Variants in MAGI1 observed in about 807,000 individuals in gnomAD.
MAGI1 encodes membrane associated guanylate kinase, WW and PDZ domain containing 1.
In MAGI1, 58 loss-of-function variants were observed where a neutral mutation model predicts 139.9. The observed-to-expected ratio is 0.41, with a 90% CI of 0.34 to 0.52. The LOEUF is 0.52. MAGI1 is among the 20% of genes least tolerant of loss of function. The pLI is 0.12. For missense variants in MAGI1, 1,874 were observed against 1,901.6 expected, an observed-to-expected ratio of 0.99 and a Z score of 0.27; for synonymous variants, 812 against 737.9, an observed-to-expected ratio of 1.10 and a Z score of -1.63.
chr3:65,872,260 G>A (rs2059964222), intron 1 of MAGI1, among the ~76,000 whole-genome samples: 1 of 152,176 alleles, frequency 6.6e-6, no homozygotes, highest in Non-Finnish European at 1.5e-5. Context: ...TGTTAGAGTT[G>A]ACTTAAGTTT....
intron 1 of MAGI1, among the ~76,000 whole-genome samples, chr3:65,911,292 G>C (rs530271308): frequency 6.6e-6 from 1 of 151,908 alleles, no homozygotes; most frequent in Admixed American, 6.6e-5. Context: ...ACATTTGAAC[G>C]TTTGTCCATG....
At chr3:65,928,771 C>T (rs1052346482) in intron 1 of MAGI1, among the ~76,000 whole-genome samples, 1 of 152,012 alleles carries the variant, frequency 6.6e-6, no homozygotes, top group Non-Finnish European at 1.5e-5. Context: ...AAAAATGCAA[C>T]CACAATGAGA....
At chr3:65,720,038 T>C (rs1053386038) in intron 1 of MAGI1, 4 of 152,190 alleles carry the variant, frequency 2.6e-5, no homozygotes, top group African/African-American at 4.8e-5. Flanking sequence ...ATTTCTTGTG[T>C]TTTAAATGGA....
intron 1 of MAGI1, among the ~76,000 whole-genome samples, chr3:65,960,532 G>A (rs1475295933): frequency 2.6e-5 from 4 of 152,152 alleles, no homozygotes; most frequent in African/African-American, 9.7e-5. Context: ...GGATGTCACT[G>A]GTCCCTGTGG....
At chr3:66,027,344 C>T (rs1054602734) in intron 1 of MAGI1, among the ~76,000 whole-genome samples, 1 of 151,948 alleles carries the variant, frequency 6.6e-6, no homozygotes, top group Non-Finnish European at 1.5e-5. Context: ...TTCTCTGTCA[C>T]CCAGGGTGGA....
At chr3:65,900,481 A>T (rs2061177581) in intron 1 of MAGI1, among the ~76,000 whole-genome samples, 1 of 152,200 alleles carries the variant, frequency 6.6e-6, no homozygotes, top group South Asian at 2.1e-4. Context: ...GCACTCAATA[A>T]ATGTTCACTT....
chr3:65,401,372 TCCCACC>T, intron 13 of MAGI1, 61 bp downstream of exon 13: 1 of 778,308 alleles, frequency 1.3e-6, no homozygotes, highest in Non-Finnish European at 2.1e-6. Context: ...CAGAGTACCC[TCCCACC>T]TCCAGCCCCC....
intron 1 of MAGI1, among the ~76,000 whole-genome samples, chr3:65,690,771 G>GACTCCCAATGT (rs1559790310): frequency 6.6e-6 from 1 of 150,822 alleles, no homozygotes; most frequent in Non-Finnish European, 1.5e-5. Context: ...TGGGATTACA[G>GACTCCCAATGT]GCATGAGCCA....
At chr3:65,440,412 A>T (rs1435269149) in intron 8 of MAGI1, among the ~76,000 whole-genome samples, 1 of 152,120 alleles carries the variant, frequency 6.6e-6, no homozygotes, top group Non-Finnish European at 1.5e-5. Context: ...GATTTTAACC[A>T]CTGACCCCAC....
Position 66,014,518 on chromosome 3 carries a change from A to G in MAGI1, c.313+23478T>C, listed in dbSNP as rs138490232. Among the ~76,000 whole-genome samples, 890 of 152,354 alleles carry G rather than the reference A, an allele frequency of 5.8e-3. 9 individuals carry two copies. Among genetic ancestry groups the G allele is most frequent in the African/African-American group, 0.019 (808 of 41,580 alleles). On this transcript the variant is annotated intron_variant, in intron 1 of 22. Transcript: ENST00000402939. ...ACCATATAATTTTTCAACCACCCAC[A>G]ACACATATAAGCCAACTTGAAATTT...
intron 15 of MAGI1, among the ~76,000 whole-genome samples, chr3:65,382,597 C>T (rs776754281): frequency 1.3e-5 from 2 of 152,202 alleles, no homozygotes; most frequent in Non-Finnish European, 2.9e-5. Context: ...GTTATATTTG[C>T]CATTCACTAA....
intron 6 of MAGI1, 86 bp downstream of exon 6, chr3:65,453,172 G>T: frequency 8.6e-7 from 1 of 1,168,912 alleles, no homozygotes; most frequent in South Asian, 1.2e-5. Flanking sequence ...CATAAGACCC[G>T]ACTGACCTGG....
intron 2 of MAGI1, among the ~76,000 whole-genome samples, chr3:65,552,437 A>C (rs929605221): frequency 1.3e-5 from 2 of 152,230 alleles, no homozygotes; most frequent in Admixed American, 6.5e-5. Context: ...CGTTTAATAC[A>C]GGGGTAAAAG....
chr3:65,494,588 C>T (rs1346898252), intron 2 of MAGI1, among the ~76,000 whole-genome samples: 1 of 152,186 alleles, frequency 6.6e-6, no homozygotes, highest in Non-Finnish European at 1.5e-5. Context: ...TTCAACAGAG[C>T]TCATTTAGCA....
At position 65,984,751 on chromosome 3, in the gene MAGI1, T is replaced by C. The variant is rs143684418; in HGVS notation, c.313+53245A>G. On this transcript the variant is annotated intron_variant, in intron 1 of 22. Transcript: ENST00000402939. Reference sequence around the variant, plus strand: ...TTTTAGAGATAGGAGTCTCACTATGTTGCCCAGGGTGGTCTTGAACTTCTG... The same window carrying C: ...TTTTAGAGATAGGAGTCTCACTATGCTGCCCAGGGTGGTCTTGAACTTCTG... Among the ~76,000 whole-genome samples, 360 of 147,266 alleles carry C rather than the reference T, an allele frequency of 2.4e-3. 3 individuals carry two copies. The highest frequency in any genetic ancestry group is 8.2e-3 in the African/African-American group (330 of 40,460).
intron 10 of MAGI1, 104 bp from the exon 11 acceptor site, chr3:65,430,985 A>G: frequency 9.1e-7 from 1 of 1,096,216 alleles, no homozygotes; most frequent in Non-Finnish European, 1.3e-6. Flanking sequence ...CTTATGCCCT[A>G]GAGCCTTTGG....
In MAGI1 at chr3:65,439,860, C is replaced by A; in HGVS notation, c.1270+19G>T. ...CATGCTCCCCTGATCAAGAAAAAGC[C>A]TAGAGGAAAGAGGCCAACCTTCTGT... is the stretch of plus-strand genomic sequence containing the variant. On this transcript the variant is annotated intron_variant, in intron 9 of 22. Coordinates refer to ENST00000402939, the MANE Select transcript of MAGI1 (RefSeq NM_001033057.2). 1.2e-6 allele frequency: 2 copies of A among 1,609,270 alleles called. No homozygotes were observed.
At chr3:65,888,222 T>C (rs1449493524) in intron 1 of MAGI1, among the ~76,000 whole-genome samples, 1 of 152,190 alleles carries the variant, frequency 6.6e-6, no homozygotes, top group African/African-American at 2.4e-5. Flanking sequence ...TTTTTCCTAA[T>C]GGTGACAGGA....
chr3:65,905,803 T>G (rs2061412334), intron 1 of MAGI1, among the ~76,000 whole-genome samples: 1 of 152,220 alleles, frequency 6.6e-6, no homozygotes, highest in Admixed American at 6.5e-5. Context: ...AGTTGAGGAC[T>G]GCACTCTACT....
Sources: allele counts gnomAD v4.1 joint callset (sites outside exome capture counted in the v4.1 genomes callset), GRCh38; gene constraint gnomAD v4.1.1; transcripts MANE v1.5; gene names NCBI Gene and HGNC (gene_info 2026-07-23, HGNC 2026-07-21).